The following TMEM117 variants were observed in gnomAD, a reference collection of about 807,000 sequenced individuals.
The protein encoded by TMEM117 is transmembrane protein 117.
In TMEM117, 27 loss-of-function variants were observed where a neutral mutation model predicts 52.4. That is an observed-to-expected ratio of 0.51 (90% CI 0.38 to 0.71). The LOEUF is 0.71. TMEM117 is among the 30% of genes least tolerant of loss of function. The pLI is 0.00. For synonymous variants in TMEM117, 215 were observed against 206.3 expected, an observed-to-expected ratio of 1.04 and a Z score of -0.36; for missense variants, 556 against 630.5, an observed-to-expected ratio of 0.88 and a Z score of 1.26.
chr12:44,134,981 C>T (rs572765789), intron 3 of TMEM117, among the ~76,000 whole-genome samples: 1 of 152,166 alleles, frequency 6.6e-6, no homozygotes, highest in South Asian at 2.1e-4. Context: ...TTCCTGTCTT[C>T]TCTCCTTTGC....
chr12:43,804,869 A>C, the TMEM117 span, among the ~76,000 whole-genome samples: 1 of 152,238 alleles, frequency 6.6e-6, no homozygotes, highest in Non-Finnish European at 1.5e-5. Context: ...TAATGAGCAA[A>C]TTACAATTTT....
At chr12:44,209,443 C>A (rs1186859152) in intron 4 of TMEM117, among the ~76,000 whole-genome samples, 12 of 151,356 alleles carry the variant, frequency 7.9e-5, no homozygotes, top group Non-Finnish European at 1.6e-4. Flanking sequence ...TTGAAAAAAT[C>A]ATCGATGAAC....
chr12:44,342,759 A>T (rs1055329885), intron 6 of TMEM117, among the ~76,000 whole-genome samples: 4 of 152,142 alleles, frequency 2.6e-5, no homozygotes, highest in African/African-American at 9.6e-5. Flanking sequence ...TTCTTTAGTA[A>T]TAACTTTTAA....
intron 3 of TMEM117, among the ~76,000 whole-genome samples, chr12:44,141,150 GTA>G (rs1453491544): frequency 7.2e-5 from 11 of 152,062 alleles, no homozygotes; most frequent in Non-Finnish European, 1.5e-5. Flanking sequence ...TATTCAAATT[GTA>G]TACACATGTA....
chr12:44,303,015 A>G (rs1449959548), intron 6 of TMEM117, among the ~76,000 whole-genome samples: 1 of 152,148 alleles, frequency 6.6e-6, no homozygotes, highest in Non-Finnish European at 1.5e-5. Flanking sequence ...ATTGGTAGGA[A>G]AATTCCACTT....
At chr12:44,117,203 T>G (rs1464066882) in intron 3 of TMEM117, among the ~76,000 whole-genome samples, 2 of 152,206 alleles carry the variant, frequency 1.3e-5, no homozygotes, top group Non-Finnish European at 2.9e-5. Context: ...ATCATCTCTC[T>G]TGCCTCCTTA....
chr12:44,195,414 C>G (rs905357930), intron 4 of TMEM117, among the ~76,000 whole-genome samples: 8 of 152,020 alleles, frequency 5.3e-5, no homozygotes, highest in African/African-American at 1.9e-4. Context: ...AAATTAGTAC[C>G]ACCCAATAAT....
chr12:44,070,757 A>G (rs941465646), intron 3 of TMEM117, among the ~76,000 whole-genome samples: 1 of 152,192 alleles, frequency 6.6e-6, no homozygotes, highest in Non-Finnish European at 1.5e-5. Flanking sequence ...TTAGCATTAT[A>G]TGAATACCTT....
intron 3 of TMEM117, among the ~76,000 whole-genome samples, chr12:43,985,164 T>C (rs977097429): frequency 2.0e-5 from 3 of 152,328 alleles, no homozygotes; most frequent in Non-Finnish European, 2.9e-5. Flanking sequence ...GAATGTTTTA[T>C]AGATTGAATA....
chr12:44,012,015 A>G (rs762530386), intron 3 of TMEM117, among the ~76,000 whole-genome samples: 22 of 152,210 alleles, frequency 1.4e-4, no homozygotes, highest in Non-Finnish European at 2.9e-4. Flanking sequence ...ATTTATTTGT[A>G]GAATTTTTCA....
intron 4 of TMEM117, among the ~76,000 whole-genome samples, chr12:44,201,700 G>A (rs904869554): frequency 1.3e-5 from 2 of 152,124 alleles, no homozygotes; most frequent in African/African-American, 4.8e-5. Flanking sequence ...AGGAAAAAAT[G>A]TGACCCAATA....
chr12:44,259,892 A>C (rs17094356), intron 5 of TMEM117, among the ~76,000 whole-genome samples: 11,136 of 152,268 alleles, frequency 0.073, 574 homozygotes, highest in Middle Eastern at 0.16. Context: ...GAAGGACATC[A>C]GTTTATGTAA....
intron 2 of TMEM117, among the ~76,000 whole-genome samples, chr12:43,864,185 C>G (rs560845989): frequency 6.6e-6 from 1 of 152,224 alleles, no homozygotes; most frequent in Non-Finnish European, 1.5e-5. Context: ...TCACTCCCCC[C>G]GCAGTGGGTT....
chr12:43,995,173 AG>A (rs1946006511), intron 3 of TMEM117, among the ~76,000 whole-genome samples: 1 of 151,198 alleles, frequency 6.6e-6, no homozygotes, highest in Non-Finnish European at 1.5e-5. Flanking sequence ...CAGGAGGCTG[AG>A]GGAGGGGAAT....
At chr12:44,019,511 CTA>C (rs1164569027) in intron 3 of TMEM117, among the ~76,000 whole-genome samples, 1 of 152,122 alleles carries the variant, frequency 6.6e-6, no homozygotes, top group Non-Finnish European at 1.5e-5. Context: ...GCTCTCTTCT[CTA>C]TACATTTCTC....
intron 6 of TMEM117, among the ~76,000 whole-genome samples, chr12:44,341,242 T>C (rs1951412895): frequency 6.6e-6 from 1 of 151,956 alleles, no homozygotes; most frequent in Non-Finnish European, 1.5e-5. Flanking sequence ...GCTCAAGCAA[T>C]GCTCCCACCT....
At chr12:44,377,705 A>G (rs1951961692) in intron 7 of TMEM117, among the ~76,000 whole-genome samples, 1 of 152,194 alleles carries the variant, frequency 6.6e-6, no homozygotes, top group South Asian at 2.1e-4. Context: ...TTTAAGGACA[A>G]TGGCCTAGGA....
intron 6 of TMEM117, among the ~76,000 whole-genome samples, chr12:44,345,153 G>C (rs868467745): frequency 3.9e-5 from 6 of 152,080 alleles, no homozygotes; most frequent in Non-Finnish European, 7.4e-5. Context: ...CTCCTTTGGT[G>C]GGATAACATG....
intron 5 of TMEM117, among the ~76,000 whole-genome samples, chr12:44,287,494 A>G (rs747220746): frequency 6.6e-6 from 1 of 152,222 alleles, no homozygotes; most frequent in Non-Finnish European, 1.5e-5. Context: ...CTGATGGCCA[A>G]CATCCATGAG....
Sources: allele counts gnomAD v4.1 joint callset (sites outside exome capture counted in the v4.1 genomes callset), GRCh38; gene constraint gnomAD v4.1.1; transcripts MANE v1.5; gene names NCBI Gene and HGNC (gene_info 2026-07-23, HGNC 2026-07-21).